Variants in SGCZ observed in about 807,000 individuals in gnomAD.
SGCZ encodes sarcoglycan zeta.
Under a neutral mutation model 41.3 loss-of-function variants are expected in SGCZ, and 40 were observed. The ratio of observed to expected loss-of-function variants is 0.97; its 90% CI spans 0.75 to 1.26. The LOEUF (loss-of-function observed/expected upper bound fraction) is 1.26. Among genes scored for constraint, SGCZ ranks in the 50% most tolerant of loss-of-function variants. The pLI is 0.00. For missense variants in SGCZ, 552 were observed against 369.8 expected (o/e 1.49, Z -4.04); for synonymous variants, 206 against 137.5 (o/e 1.50, Z -3.49).
intron 3 of SGCZ, among the ~76,000 whole-genome samples, chr8:14,290,983 T>C (rs1263841235): frequency 6.6e-6 from 1 of 152,116 alleles, no homozygotes; most frequent in Non-Finnish European, 1.5e-5. Context: ...GTATTGTAAA[T>C]ATGTACCATG....
chr8:14,613,970 A>AT (rs1336348977), intron 1 of SGCZ, among the ~76,000 whole-genome samples: 8 of 152,264 alleles, frequency 5.3e-5, no homozygotes, highest in Non-Finnish European at 7.4e-5. Flanking sequence ...TGACAGATTG[A>AT]TTTTTTTAGA....
intron 3 of SGCZ, among the ~76,000 whole-genome samples, chr8:14,247,000 T>A (rs1799119728): frequency 6.6e-6 from 1 of 152,090 alleles, no homozygotes; most frequent in Non-Finnish European, 1.5e-5. Flanking sequence ...AATTTTTATG[T>A]TAAAGGAAGA....
chr8:14,710,162 C>A (rs771076707), intron 1 of SGCZ, among the ~76,000 whole-genome samples: 7 of 151,688 alleles, frequency 4.6e-5, no homozygotes, highest in Non-Finnish European at 8.8e-5. Flanking sequence ...GTCAGGAGAT[C>A]GAGACCATCC....
chr8:14,905,896 T>C (rs145340610), intron 1 of SGCZ, among the ~76,000 whole-genome samples: 7,626 of 152,082 alleles, frequency 0.05, 283 homozygotes, highest in Non-Finnish European at 0.078. Context: ...CACCTATGTA[T>C]ACAAATATAC....
At chr8:14,119,037 C>G (rs1802610003) in intron 5 of SGCZ, among the ~76,000 whole-genome samples, 1 of 152,130 alleles carries the variant, frequency 6.6e-6, no homozygotes, top group African/African-American at 2.4e-5. Context: ...ATTGTCTTGG[C>G]TACGTGGGCT....
At position 14,937,629 on chromosome 8, in the gene SGCZ, T is replaced by C. The variant is rs527670068; in HGVS notation, c.39+299956A>G. 2.6e-5 allele frequency among the ~76,000 whole-genome samples: 4 copies of C among 152,174 alleles called. No individual in the cohort carries two copies. In the East Asian group the frequency reaches 5.8e-4, roughly 22 times the overall value. On this transcript the variant is annotated intron_variant, in intron 1 of 7. Transcript: ENST00000382080. ...CGCATATAGAGGAACCAATGCAAAA[T>C]CTCATTTTTATTATGAAAATCTCTT... is the stretch of plus-strand genomic sequence containing the variant.
At chr8:15,087,742 G>C (rs1242670412) in intron 1 of SGCZ, among the ~76,000 whole-genome samples, 3 of 152,058 alleles carry the variant, frequency 2.0e-5, no homozygotes, top group Admixed American at 2.0e-4. Context: ...ATTAACATAT[G>C]ATTAAGTAAA....
At chr8:14,697,635 C>T (rs964150431) in intron 1 of SGCZ, among the ~76,000 whole-genome samples, 2 of 151,906 alleles carry the variant, frequency 1.3e-5, no homozygotes, top group Non-Finnish European at 2.9e-5. Context: ...CATAAACATG[C>T]CAATAAACCT....
chr8:14,715,144 T>C (rs968638862), intron 1 of SGCZ, among the ~76,000 whole-genome samples: 16 of 152,146 alleles, frequency 1.1e-4, no homozygotes, highest in Admixed American at 2.0e-4. Context: ...GGAAAATAAG[T>C]AGTTTGACCT....
rs185901005 is a variant in SGCZ at position 14,841,667 on chromosome 8, A to G, written c.40-286741T>C. On this transcript the variant is annotated intron_variant, in intron 1 of 7. Transcript: ENST00000382080. ...GGCCAAGAGTTGTGTTATGAGTGCT[A>G]TTGGAAGGGACAAGCCCATACTAAA... Among the ~76,000 whole-genome samples the G allele has an allele frequency of 1.9e-3, 286 of 152,314 alleles. 1 individual carries two copies. The highest frequency in any genetic ancestry group is 6.4e-3 in the African/African-American group (266 of 41,582).
chr8:14,198,735 A>C (rs1044568910), intron 4 of SGCZ, among the ~76,000 whole-genome samples: 1 of 152,206 alleles, frequency 6.6e-6, no homozygotes. Flanking sequence ...ATGGCAGAAG[A>C]ACATAAATTG....
At chr8:14,952,599 A>C (rs1041887544) in intron 1 of SGCZ, among the ~76,000 whole-genome samples, 11 of 152,184 alleles carry the variant, frequency 7.2e-5, no homozygotes, top group Non-Finnish European at 1.2e-4. Context: ...ATGATTTTGC[A>C]ATGATGCTTG....
chr8:15,162,328 C>T (rs566566805), intron 1 of SGCZ, among the ~76,000 whole-genome samples: 2 of 152,298 alleles, frequency 1.3e-5, no homozygotes, highest in East Asian at 3.9e-4. Context: ...TGGCCAGCAC[C>T]TGTCCCACCT....
At chr8:14,995,884 T>C (rs1162180101) in intron 1 of SGCZ, among the ~76,000 whole-genome samples, 1 of 152,078 alleles carries the variant, frequency 6.6e-6, no homozygotes, top group Non-Finnish European at 1.5e-5. Context: ...GTTTCTTACC[T>C]CTTAAGAGGT....
At position 14,707,492 on chromosome 8, in the gene SGCZ, G is replaced by T. The variant is rs139824072; in HGVS notation, c.40-152566C>A. On this transcript the variant is annotated intron_variant, in intron 1 of 7. Transcript: ENST00000382080. ...CATTTCAGCTCCAACTACTGCTCAG[G>T]AATCGATCAGCATAAAAAACAAAAG... Among the ~76,000 whole-genome samples, 271 of 152,108 alleles carry T rather than the reference G, an allele frequency of 1.8e-3. 2 individuals are homozygous for T. The East Asian group carries it at 0.02, about 11-fold the overall frequency.
chr8:15,070,953 A>C (rs546579173), intron 1 of SGCZ, among the ~76,000 whole-genome samples: 2 of 152,276 alleles, frequency 1.3e-5, no homozygotes, highest in African/African-American at 4.8e-5. Flanking sequence ...ATAATCTCTT[A>C]GTAGGGGTGA....
At chr8:14,241,767 G>C (rs1241110130) in intron 3 of SGCZ, among the ~76,000 whole-genome samples, 1 of 152,136 alleles carries the variant, frequency 6.6e-6, no homozygotes, top group Non-Finnish European at 1.5e-5. Flanking sequence ...GGGCCTGAGA[G>C]GTTCTGCTTA....
At chr8:14,135,342 G>A (rs1015077664) in intron 5 of SGCZ, among the ~76,000 whole-genome samples, 1 of 151,964 alleles carries the variant, frequency 6.6e-6, no homozygotes, top group Non-Finnish European at 1.5e-5. Flanking sequence ...TCTTTAAAGG[G>A]GCTGATGTGA....
intron 1 of SGCZ, among the ~76,000 whole-genome samples, chr8:15,027,490 G>A (rs1431179365): frequency 6.6e-6 from 1 of 152,068 alleles, no homozygotes; most frequent in Non-Finnish European, 1.5e-5. Flanking sequence ...ATATTGAGCT[G>A]AATGTACATT....
Sources: gnomAD v4.1 joint callset for allele counts (sites outside exome capture counted in the v4.1 genomes callset) on GRCh38, gnomAD v4.1.1 for gene constraint, MANE v1.5 for transcripts, NCBI Gene and HGNC (gene_info 2026-07-23, HGNC 2026-07-21) for gene names.